Variants in RSBN1 observed in about 807,000 individuals in gnomAD.
RSBN1 encodes round spermatid basic protein 1.
A neutral mutation model predicts 74.8 loss-of-function variants in RSBN1; 23 were observed. That is an observed-to-expected ratio of 0.31 (90% CI 0.22 to 0.44). RSBN1 has a LOEUF of 0.44. RSBN1 is among the 20% of genes least tolerant of loss of function. RSBN1 has a pLI of 1.00. For missense variants in RSBN1, 808 were observed against 1,020.9 expected, an observed-to-expected ratio of 0.79 and a Z score of 2.84; for synonymous variants, 407 against 379.6, an observed-to-expected ratio of 1.07 and a Z score of -0.84.
chr1:113,773,896 G>T (rs774081964), intron 4 of RSBN1, among the ~76,000 whole-genome samples: 2 of 151,902 alleles, frequency 1.3e-5, no homozygotes, highest in African/African-American at 4.8e-5. Context: ...CCAGCTACTC[G>T]GGAGGCTGAG....
intron 5 of RSBN1, 63 bp downstream of exon 5, chr1:113,768,159 A>AATAGAGTCCACATTGTCTTATAC: frequency 7.3e-7 from 1 of 1,375,588 alleles, no homozygotes. Flanking sequence ...AAACCTTTTA[A>AATAGAGTCCACATTGTCTTATAC]ATAGAGTCCA....
chr1:113,791,526 G>T (rs1430560587), intron 2 of RSBN1, among the ~76,000 whole-genome samples: 1 of 152,110 alleles, frequency 6.6e-6, no homozygotes, highest in Non-Finnish European at 1.5e-5. Context: ...AGCGGGTGTG[G>T]ATTATTCCAC....
chr1:113,811,909 C>G lies in RSBN1; in HGVS notation c.504G>C (p.Ser168=), dbSNP rs1406480085. Residue 168 remains serine, a synonymous_variant, in exon 1 of 7, where the codon TCG becomes TCC. Transcript: ENST00000261441. The part of the protein sequence containing the change: ...VAAPLPAPST[S]ALFTFSPLTV... The stretch of plus-strand genomic sequence containing the variant: ...TCAGAGGCGAGAAGGTGAAGAGGGC[C>G]GAGGTGCTTGGGGCCGGGAGAGGGG... 3 of 1,609,070 alleles carry G rather than the reference C, an allele frequency of 1.9e-6. No homozygotes were observed. Among genetic ancestry groups the G allele is most frequent in the Non-Finnish European group, 2.5e-6 (3 of 1,177,672 alleles).
At chr1:113,777,395 T>A in intron 3 of RSBN1, 43 bp from the exon 4 acceptor site, 1 of 1,573,334 alleles carries the variant, frequency 6.4e-7, no homozygotes, top group Non-Finnish European at 8.7e-7. Context: ...ATTGTTTCAA[T>A]GATTTATAAG....
At chr1:113,783,117 AAT>A (rs1236724902) in intron 2 of RSBN1, among the ~76,000 whole-genome samples, 1 of 152,236 alleles carries the variant, frequency 6.6e-6, no homozygotes, top group Non-Finnish European at 1.5e-5. Flanking sequence ...GAAATCAAGC[AAT>A]ATGTTTGAAT....
chr1:113,769,711 G>A (rs1659853271), intron 4 of RSBN1, among the ~76,000 whole-genome samples: 1 of 152,156 alleles, frequency 6.6e-6, no homozygotes, highest in Non-Finnish European at 1.5e-5. Flanking sequence ...ACTGTGCAGA[G>A]AAAGCCACAG....
chr1:113,778,126 T>C (rs1660065150), intron 2 of RSBN1, among the ~76,000 whole-genome samples: 1 of 152,116 alleles, frequency 6.6e-6, no homozygotes, highest in Non-Finnish European at 1.5e-5. Context: ...GTGATCTTTA[T>C]TTAAGAAAAA....
chr1:113,788,894 A>G (rs1660310403), intron 2 of RSBN1, among the ~76,000 whole-genome samples: 1 of 152,134 alleles, frequency 6.6e-6, no homozygotes, highest in African/African-American at 2.4e-5. Flanking sequence ...ACCCAAAAAA[A>G]GACATTTACA....
chr1:113,811,937 G>C lies in RSBN1; in HGVS notation c.476C>G (p.Ala159Gly). 6.3e-7 allele frequency: 1 copy of C among 1,597,924 alleles called. No homozygotes were observed. The change falls in exon 1 of 7, where the codon GCT becomes GGT. Residue 159 changes from alanine (A) to glycine (G), a missense_variant. Physicochemically the swap from Ala to Gly is moderately conservative, Grantham distance 60. Transcript: ENST00000261441. ...GGTGCTTGGGGCCGGGAGAGGGGCA[G>C]CGACAGCGGGCCCGGCGGGTGCCAG... ...PSLAPAGPAV[A>G]APLPAPSTSA...
intron 4 of RSBN1, among the ~76,000 whole-genome samples, chr1:113,768,742 G>A (rs138914471): frequency 1.5e-5 from 1 of 65,788 alleles, no homozygotes; most frequent in African/African-American, 6.0e-5. Context: ...TAGTGAGGCT[G>A]CCCTCACACA....
rs142042596 is a variant in RSBN1 at position 113,807,449 on chromosome 1, A to G, written c.703+4261T>C. 9.9e-3 allele frequency among the ~76,000 whole-genome samples: 1,499 copies of G among 151,740 alleles called. 32 individuals carry two copies. Among genetic ancestry groups the G allele is most frequent in the African/African-American group, 0.034 (1,420 of 41,418 alleles). On this transcript the variant is annotated intron_variant, in intron 1 of 6. Transcript: ENST00000261441. ...CTGTGATCTACAAAAAATTATCAAA[A>G]CCCAGTAATAAAAAATATACAATTC...
At chr1:113,766,999 C>G in intron 6 of RSBN1, 100 bp downstream of exon 6, 1 of 593,696 alleles carries the variant, frequency 1.7e-6, no homozygotes, top group Non-Finnish European at 2.9e-6. Flanking sequence ...AAATTAAACT[C>G]ACTATCCCAC....
rs1660872664 is a variant in RSBN1 at position 113,812,047 on chromosome 1, A to G, written c.366T>C (p.Pro122=). The G allele has an allele frequency of 1.3e-6, 2 of 1,545,360 alleles. No homozygotes were observed. Among genetic ancestry groups the G allele is most frequent in the Non-Finnish European group, 8.7e-7 (1 of 1,147,962 alleles). ...CTGCATTCGTTGGCGGCAGCGGCCC[A>G]GGATGTTGGCGGCTGCGACGCCGCC... ...PHRRRRSRQH[P]GPLPPTNAAP... Residue 122 remains proline, a synonymous_variant, in exon 1 of 7, where the codon CCT becomes CCC. Coordinates refer to ENST00000261441, the MANE Select transcript of RSBN1 (RefSeq NM_018364.5).
At chr1:113,809,097 A>G (rs1294481819) in intron 1 of RSBN1, among the ~76,000 whole-genome samples, 3 of 151,350 alleles carry the variant, frequency 2.0e-5, no homozygotes, top group Non-Finnish European at 2.9e-5. Context: ...AGGATAAGCG[A>G]AGGAAGGACA....
chr1:113,767,731 C>T (rs1659807956), intron 5 of RSBN1, among the ~76,000 whole-genome samples: 1 of 152,158 alleles, frequency 6.6e-6, no homozygotes, highest in South Asian at 2.1e-4. Flanking sequence ...CAAGTGTCCA[C>T]TGATGGATAA....
chr1:113,807,274 AC>A (rs1238015493), intron 1 of RSBN1, among the ~76,000 whole-genome samples: 1 of 151,212 alleles, frequency 6.6e-6, no homozygotes, highest in Admixed American at 6.6e-5. Context: ...GGATCGTGCT[AC>A]TACACTCCAG....
chr1:113,809,330 G>A (rs146498645), intron 1 of RSBN1, among the ~76,000 whole-genome samples: 231 of 152,310 alleles, frequency 1.5e-3, no homozygotes, highest in African/African-American at 5.1e-3. Flanking sequence ...GTGCAGTTGA[G>A]AGAGGGTAAA....
At chr1:113,804,458 C>T (rs1660660087) in intron 1 of RSBN1, among the ~76,000 whole-genome samples, 1 of 152,122 alleles carries the variant, frequency 6.6e-6, no homozygotes. Flanking sequence ...TATCTGACTC[C>T]AAAACAAATT....
chr1:113,780,414 AACT>A (rs1660115940), intron 2 of RSBN1, among the ~76,000 whole-genome samples: 1 of 152,232 alleles, frequency 6.6e-6, no homozygotes, highest in African/African-American at 2.4e-5. Context: ...AACACCACTA[AACT>A]CAACAGCACT....
Sources: gnomAD v4.1 joint callset for allele counts (sites outside exome capture counted in the v4.1 genomes callset) on GRCh38, gnomAD v4.1.1 for gene constraint, MANE v1.5 for transcripts, NCBI Gene and HGNC (gene_info 2026-07-23, HGNC 2026-07-21) for gene names.